The following LRMDA variants were observed in gnomAD, a reference collection of about 807,000 sequenced individuals.
LRMDA encodes leucine-rich melanocyte differentiation-associated protein.
Under a neutral mutation model 29.8 loss-of-function variants are expected in LRMDA, and 18 were observed. The observed-to-expected ratio is 0.60, with a 90% CI of 0.42 to 0.90. The LOEUF is 0.90. LRMDA is among the 40% of genes least tolerant of loss of function. The pLI is 0.00. For synonymous variants in LRMDA, 125 were observed against 109.4 expected (o/e 1.14, Z -0.89); for missense variants, 273 against 273.9 (o/e 1.00, Z 0.02).
chr10:75,594,563 T>C (rs1438676711), intron 2 of LRMDA, among the ~76,000 whole-genome samples: 1 of 152,226 alleles, frequency 6.6e-6, no homozygotes, highest in East Asian at 1.9e-4. Context: ...AAGTGTCCTG[T>C]ATTTTCTTCT....
chr10:75,461,260 G>C (rs934396365), intron 2 of LRMDA, among the ~76,000 whole-genome samples: 1 of 152,174 alleles, frequency 6.6e-6, no homozygotes, highest in Non-Finnish European at 1.5e-5. Flanking sequence ...CTGTTGATAT[G>C]GAAGCAACTT....
chr10:76,414,520 T>C (rs1225821862), intron 6 of LRMDA, among the ~76,000 whole-genome samples: 1 of 152,142 alleles, frequency 6.6e-6, no homozygotes, highest in African/African-American at 2.4e-5. Flanking sequence ...GATTAAGAAT[T>C]AGTAATTAGT....
Position 76,006,983 on chromosome 10 carries a change from C to CGTGTGTGTGTGTGTGTGTGT in LRMDA, c.132-28995_132-28976dup, listed in dbSNP as rs572881040. On this transcript the variant is annotated intron_variant, in intron 2 of 6. Coordinates refer to ENST00000611255, the MANE Select transcript of LRMDA (RefSeq NM_001305581.2). ...GCTAAAGTTTGCAGGATGGAGAAGG[C>CGTGTGTGTGTGTGTGTGTGT]GTGTGTGTGTGTGTGTGTGTGTGTG... 3.0e-3 allele frequency among the ~76,000 whole-genome samples: 344 copies of CGTGTGTGTGTGTGTGTGTGT among 116,160 alleles called. 10 individuals carry two copies. Among genetic ancestry groups the CGTGTGTGTGTGTGTGTGTGT allele is most frequent in the East Asian group, 9.1e-3 (29 of 3,186 alleles). The allele number at this position is 116,160 out of a possible 152,430, so 76.2% of individuals were successfully genotyped here.
rs79342183 is a variant in LRMDA at position 76,388,913 on chromosome 10, T to C, written c.601+64428T>C. Among the ~76,000 whole-genome samples, 1,241 of 152,324 alleles carry C rather than the reference T, an allele frequency of 8.1e-3. 31 individuals are homozygous for C. The South Asian group carries it at 0.093, about 11-fold the overall frequency. ...AAGGTCACATAATAAGTGGCAAAGC[T>C]GGACTTCAAACTCAGGCAGTCTGGC... On this transcript the variant is annotated intron_variant, in intron 6 of 6. Coordinates refer to ENST00000611255, the MANE Select transcript of LRMDA (RefSeq NM_001305581.2).
Position 76,060,628 on chromosome 10 carries a change from T to C in LRMDA, c.516+1845T>C, listed in dbSNP as rs576018306. 2.7e-3 allele frequency among the ~76,000 whole-genome samples: 409 copies of C among 152,310 alleles called. 3 individuals are homozygous for C. Among genetic ancestry groups the C allele is most frequent in the African/African-American group, 9.6e-3 (398 of 41,570 alleles). On this transcript the variant is annotated intron_variant, in intron 5 of 6. Transcript: ENST00000611255. ...GGAGCAGTGAGCTACATATTTACCC[T>C]GTGGATCTCTTTGTTCAAACAAAAC... is the stretch of plus-strand genomic sequence containing the variant.
At position 76,554,021 on chromosome 10, in the gene LRMDA, G is replaced by C. The variant is rs76577288; in HGVS notation, c.602-3188G>C. Among the ~76,000 whole-genome samples, 367 of 152,204 alleles carry C rather than the reference G, an allele frequency of 2.4e-3. 1 individual carries two copies. The highest frequency in any genetic ancestry group is 4.4e-3 in the Non-Finnish European group (300 of 68,024). The stretch of plus-strand genomic sequence containing the variant: ...AGCCAAGATATCAGTGGGGTCGGGC[G>C]TGCTCCTCCTGCAAATTCCAAATTT... On this transcript the variant is annotated intron_variant, in intron 6 of 6. Coordinates refer to ENST00000611255, the MANE Select transcript of LRMDA (RefSeq NM_001305581.2).
intron 2 of LRMDA, among the ~76,000 whole-genome samples, chr10:75,778,063 T>A (rs1305208767): frequency 6.6e-6 from 1 of 152,080 alleles, no homozygotes; most frequent in Non-Finnish European, 1.5e-5. Context: ...GAATCTTCCC[T>A]CTTGTCCATC....
At chr10:75,901,833 T>C (rs1024600259) in intron 2 of LRMDA, among the ~76,000 whole-genome samples, 10 of 152,350 alleles carry the variant, frequency 6.6e-5, no homozygotes, top group Admixed American at 6.5e-4. Flanking sequence ...TATTTAAATA[T>C]TGACAACCTG....
intron 2 of LRMDA, among the ~76,000 whole-genome samples, chr10:75,861,638 G>T (rs974750308): frequency 4.6e-5 from 7 of 151,208 alleles, no homozygotes; most frequent in Non-Finnish European, 7.4e-5. Flanking sequence ...ACTAGAACAA[G>T]AAAAAAAAAG....
At chr10:76,149,035 G>A (rs1371073140) in intron 5 of LRMDA, among the ~76,000 whole-genome samples, 1 of 152,258 alleles carries the variant, frequency 6.6e-6, no homozygotes, top group Non-Finnish European at 1.5e-5. Flanking sequence ...GAGTTTCTGT[G>A]TATATACATT....
chr10:75,712,101 A>G (rs1190554786), intron 2 of LRMDA, among the ~76,000 whole-genome samples: 3 of 152,062 alleles, frequency 2.0e-5, no homozygotes, highest in Non-Finnish European at 4.4e-5. Context: ...ACCCTTAATT[A>G]GTGCTACATT....
intron 5 of LRMDA, among the ~76,000 whole-genome samples, chr10:76,322,259 T>C (rs1314953156): frequency 1.3e-5 from 2 of 152,194 alleles, no homozygotes; most frequent in African/African-American, 4.8e-5. Flanking sequence ...AGAGAACCAG[T>C]GTGAACATCA....
intron 6 of LRMDA, among the ~76,000 whole-genome samples, chr10:76,419,826 T>G (rs1184115996): frequency 6.6e-6 from 1 of 152,118 alleles, no homozygotes; most frequent in Non-Finnish European, 1.5e-5. Context: ...TCGATAACAG[T>G]CTTTTATCTA....
At chr10:75,750,403 T>TGGC (rs1389789128) in intron 2 of LRMDA, among the ~76,000 whole-genome samples, 2 of 129,472 alleles carry the variant, frequency 1.5e-5, no homozygotes, top group African/African-American at 6.1e-5. Flanking sequence ...CCAGACGGGG[T>TGGC]GGCGGTCAGG....
At chr10:75,637,328 T>G (rs915972170) in intron 2 of LRMDA, among the ~76,000 whole-genome samples, 3 of 152,214 alleles carry the variant, frequency 2.0e-5, no homozygotes, top group African/African-American at 7.2e-5. Context: ...GTTGTGCTGT[T>G]GCAGGAAGGC....
chr10:75,799,286 A>G (rs1589210128), intron 2 of LRMDA, among the ~76,000 whole-genome samples: 1 of 152,316 alleles, frequency 6.6e-6, no homozygotes, highest in East Asian at 1.9e-4. Flanking sequence ...CTTCCTGATT[A>G]TCATCATGAA....
chr10:75,763,883 GCT>G (rs1337226476), intron 2 of LRMDA, among the ~76,000 whole-genome samples: 2 of 152,102 alleles, frequency 1.3e-5, no homozygotes, highest in Non-Finnish European at 2.9e-5. Context: ...TTGAACCTCA[GCT>G]CTCTCTAGCT....
At chr10:76,025,100 T>C (rs1167333580) in intron 2 of LRMDA, among the ~76,000 whole-genome samples, 1 of 152,030 alleles carries the variant, frequency 6.6e-6, no homozygotes, top group Non-Finnish European at 1.5e-5. Flanking sequence ...ACAGGCTCCA[T>C]GCGTGCATGT....
intron 6 of LRMDA, among the ~76,000 whole-genome samples, chr10:76,356,724 A>G (rs1381363187): frequency 6.6e-6 from 1 of 152,160 alleles, no homozygotes; most frequent in Non-Finnish European, 1.5e-5. Flanking sequence ...GGCATTTTAC[A>G]AATAATGGCT....
Sources: gnomAD v4.1 joint callset for allele counts (sites outside exome capture counted in the v4.1 genomes callset) on GRCh38, gnomAD v4.1.1 for gene constraint, MANE v1.5 for transcripts, NCBI Gene and HGNC (gene_info 2026-07-23, HGNC 2026-07-21) for gene names.